Variants in GNAQ observed in about 807,000 individuals in gnomAD.
GNAQ encodes the protein G protein subunit alpha q.
In GNAQ, 8 loss-of-function variants were observed where a neutral mutation model predicts 43.9. That is an observed-to-expected ratio of 0.18 (90% CI 0.11 to 0.33). The LOEUF is 0.33. GNAQ is among the 10% of genes least tolerant of loss of function. The pLI is 1.00. For missense variants in GNAQ, 158 were observed against 450.8 expected (o/e 0.35, Z 5.88); for synonymous variants, 155 against 170.7 (o/e 0.91, Z 0.71).
chr9:77,930,568 C>CAT (rs1357972480), intron 1 of GNAQ, among the ~76,000 whole-genome samples: 2 of 152,112 alleles, frequency 1.3e-5, no homozygotes, highest in African/African-American at 4.8e-5. Flanking sequence ...AAGGCTCAAA[C>CAT]ATATATATTT....
chr9:77,833,972 G>T (rs7861914), intron 2 of GNAQ, among the ~76,000 whole-genome samples: 91,298 of 151,722 alleles, frequency 0.6, 28,370 homozygotes, highest in Middle Eastern at 0.7. Flanking sequence ...AAAATGGTGG[G>T]TTTTTTTTAA....
chr9:77,807,800 T>A (rs1826851649), intron 3 of GNAQ, among the ~76,000 whole-genome samples: 1 of 152,200 alleles, frequency 6.6e-6, no homozygotes, highest in African/African-American at 2.4e-5. Flanking sequence ...TTTGTGTGTG[T>A]GTGAGAATGA....
chr9:77,830,837 C>CCACA (rs5898566), intron 2 of GNAQ, among the ~76,000 whole-genome samples: 15 of 150,812 alleles, frequency 9.9e-5, no homozygotes, highest in Middle Eastern at 3.4e-3. Flanking sequence ...AGGTGTTATA[C>CCACA]CACACACACA....
At chr9:77,883,876 A>G (rs1199974244) in intron 2 of GNAQ, among the ~76,000 whole-genome samples, 2 of 152,200 alleles carry the variant, frequency 1.3e-5, no homozygotes, top group Non-Finnish European at 2.9e-5. Flanking sequence ...AGTTTTGATA[A>G]TTCATGAAGT....
intron 1 of GNAQ, among the ~76,000 whole-genome samples, chr9:78,010,380 G>C (rs1186742003): frequency 6.6e-6 from 1 of 152,164 alleles, no homozygotes; most frequent in African/African-American, 2.4e-5. Context: ...CTCAATGAAA[G>C]ATTTCTAATA....
chr9:77,802,275 C>T lies in GNAQ; in HGVS notation c.477-4627G>A, dbSNP rs776477424. Among the ~76,000 whole-genome samples the T allele has an allele frequency of 5.8e-4, 88 of 152,272 alleles. 1 individual carries two copies. The highest frequency in any genetic ancestry group is 7.8e-4 in the Admixed American group (12 of 15,288). On this transcript the variant is annotated intron_variant, in intron 3 of 6. Coordinates refer to ENST00000286548, the MANE Select transcript of GNAQ (RefSeq NM_002072.5). ...ACCCCCAATCCCATGCAACCCCCCTCACTCTGGGCTCACAGGACTCAGAGG... is the reference window on the plus strand; with the variant it reads ...ACCCCCAATCCCATGCAACCCCCCTTACTCTGGGCTCACAGGACTCAGAGG...
intron 5 of GNAQ, among the ~76,000 whole-genome samples, chr9:77,770,220 T>C (rs1279797647): frequency 6.6e-6 from 1 of 152,234 alleles, no homozygotes; most frequent in East Asian, 1.9e-4. Context: ...AATTATAGGG[T>C]TTTTTCTCTG....
intron 5 of GNAQ, among the ~76,000 whole-genome samples, chr9:77,768,236 C>T (rs1343824498): frequency 6.6e-6 from 1 of 152,130 alleles, no homozygotes; most frequent in Non-Finnish European, 1.5e-5. Context: ...GAATTCTATG[C>T]ACTTTTTGCT....
intron 2 of GNAQ, among the ~76,000 whole-genome samples, chr9:77,849,436 T>C (rs1048131992): frequency 6.6e-6 from 1 of 152,028 alleles, no homozygotes; most frequent in Admixed American, 6.6e-5. Context: ...TGTGGAGCCA[T>C]GTGGGGTCTA....
At chr9:77,913,158 T>C (rs1257113696) in intron 2 of GNAQ, among the ~76,000 whole-genome samples, 2 of 152,154 alleles carry the variant, frequency 1.3e-5, no homozygotes, top group Admixed American at 1.3e-4. Context: ...GCATACTTTC[T>C]GACTCAGGAA....
intron 1 of GNAQ, among the ~76,000 whole-genome samples, chr9:77,932,833 T>C (rs1829171784): frequency 6.6e-6 from 1 of 152,122 alleles, no homozygotes; most frequent in Admixed American, 6.6e-5. Context: ...AATGGATGAC[T>C]GTTAAGAACA....
chr9:77,994,143 A>G (rs539778559), intron 1 of GNAQ, among the ~76,000 whole-genome samples: 1 of 152,268 alleles, frequency 6.6e-6, no homozygotes, highest in Admixed American at 6.5e-5. Context: ...CTACCTCCAG[A>G]GTAGCTGGGA....
chr9:77,723,968 TTAAA>T (rs1187721203), intron 6 of GNAQ, among the ~76,000 whole-genome samples: 40 of 152,174 alleles, frequency 2.6e-4, no homozygotes, highest in Admixed American at 9.2e-4. Flanking sequence ...ATTGTACACT[TTAAA>T]TAAGTGAATT....
intron 1 of GNAQ, among the ~76,000 whole-genome samples, chr9:78,007,680 C>A (rs1823724097): frequency 6.6e-6 from 1 of 152,170 alleles, no homozygotes; most frequent in East Asian, 1.9e-4. Flanking sequence ...AGTATACTTA[C>A]AACAAAGGCA....
chr9:77,912,768 A>C (rs1010503520), intron 2 of GNAQ, among the ~76,000 whole-genome samples: 3 of 152,256 alleles, frequency 2.0e-5, no homozygotes, highest in Admixed American at 6.5e-5. Context: ...GTAAACATAT[A>C]AAAAAGTGCT....
intron 2 of GNAQ, among the ~76,000 whole-genome samples, chr9:77,820,657 A>G (rs189303924): frequency 1.3e-5 from 2 of 152,328 alleles, no homozygotes; most frequent in African/African-American, 4.8e-5. Flanking sequence ...CTAAGCTTCC[A>G]TGTCCTTCTT....
intron 5 of GNAQ, among the ~76,000 whole-genome samples, chr9:77,753,668 T>C (rs981480444): frequency 2.0e-5 from 3 of 152,170 alleles, no homozygotes; most frequent in African/African-American, 7.2e-5. Context: ...AAAAACATGA[T>C]GTAAAAAACA....
intron 2 of GNAQ, among the ~76,000 whole-genome samples, chr9:77,845,167 T>C (rs1025905152): frequency 8.5e-5 from 13 of 152,204 alleles, no homozygotes; most frequent in African/African-American, 3.1e-4. Context: ...CAAACCATTT[T>C]TGCAGGGGTC....
At chr9:77,889,133 G>T (rs1035081246) in intron 2 of GNAQ, among the ~76,000 whole-genome samples, 1 of 151,842 alleles carries the variant, frequency 6.6e-6, no homozygotes, top group Non-Finnish European at 1.5e-5. Flanking sequence ...TTAATCCTGA[G>T]GCTGGGCATG....
Sources: allele counts gnomAD v4.1 joint callset (sites outside exome capture counted in the v4.1 genomes callset), GRCh38; gene constraint gnomAD v4.1.1; transcripts MANE v1.5; gene names NCBI Gene and HGNC (gene_info 2026-07-23, HGNC 2026-07-21).